The following TMEM132D variants were observed in gnomAD, a reference collection of about 807,000 sequenced individuals.
TMEM132D encodes transmembrane protein 132D.
TMEM132D carries 21 observed loss-of-function variants against 62.3 expected under a neutral mutation model. That is an observed-to-expected ratio of 0.34 (90% CI 0.24 to 0.49). The LOEUF (loss-of-function observed/expected upper bound fraction) is 0.49. TMEM132D is among the 20% of genes least tolerant of loss of function. TMEM132D has a pLI of 0.99. For synonymous variants in TMEM132D, 621 were observed against 575.6 expected (o/e 1.08, Z -1.13); for missense variants, 1,346 against 1,402.8 (o/e 0.96, Z 0.65).
At chr12:129,583,307 T>A (rs1877931277) in intron 2 of TMEM132D, among the ~76,000 whole-genome samples, 1 of 152,192 alleles carries the variant, frequency 6.6e-6, no homozygotes, top group South Asian at 2.1e-4. Flanking sequence ...GGGAAGCAGA[T>A]CATTGGCTGC....
At chr12:129,234,927 G>A (rs1182650481) in intron 4 of TMEM132D, among the ~76,000 whole-genome samples, 2 of 152,078 alleles carry the variant, frequency 1.3e-5, no homozygotes, top group Non-Finnish European at 2.9e-5. Context: ...TCAATAATTA[G>A]TTGGCCAAAG....
chr12:129,103,994 C>T (rs1875402536), intron 5 of TMEM132D, among the ~76,000 whole-genome samples: 1 of 152,044 alleles, frequency 6.6e-6, no homozygotes, highest in Non-Finnish European at 1.5e-5. Context: ...TCAATGCCAT[C>T]CCCATCAAGC....
intron 3 of TMEM132D, among the ~76,000 whole-genome samples, chr12:129,373,048 G>C (rs1239425076): frequency 6.6e-6 from 1 of 152,104 alleles, no homozygotes; most frequent in African/African-American, 2.4e-5. Flanking sequence ...TAGAGAGACC[G>C]ACTTCCTGGT....
chr12:129,801,089 T>C (rs531388725), intron 1 of TMEM132D, among the ~76,000 whole-genome samples: 14 of 152,146 alleles, frequency 9.2e-5, no homozygotes, highest in Non-Finnish European at 1.5e-4. Flanking sequence ...CCCTGATGGC[T>C]AGCACAGCAG....
intron 3 of TMEM132D, among the ~76,000 whole-genome samples, chr12:129,505,968 T>C (rs896537313): frequency 6.6e-6 from 1 of 152,220 alleles, no homozygotes; most frequent in Non-Finnish European, 1.5e-5. Flanking sequence ...GGTGAATTCT[T>C]ATCCACTCTG....
chr12:129,489,970 G>A (rs905966500), intron 3 of TMEM132D, among the ~76,000 whole-genome samples: 1 of 152,184 alleles, frequency 6.6e-6, no homozygotes, highest in African/African-American at 2.4e-5. Context: ...CCAGTCAACA[G>A]GGACCCTTGG....
intron 4 of TMEM132D, among the ~76,000 whole-genome samples, chr12:129,276,603 G>A (rs1240789092): frequency 6.6e-6 from 1 of 152,200 alleles, no homozygotes; most frequent in Non-Finnish European, 1.5e-5. Context: ...CAGGCATGCA[G>A]CCACTTCATG....
Position 129,473,779 on chromosome 12 carries a change from G to A in TMEM132D, c.1115+57280C>T, listed in dbSNP as rs1158009. 4.2e-3 allele frequency among the ~76,000 whole-genome samples: 633 copies of A among 152,290 alleles called. 9 individuals are homozygous for A. The highest frequency in any genetic ancestry group is 0.014 in the African/African-American group (602 of 41,552). On this transcript the variant is annotated intron_variant, in intron 3 of 8. Transcript: ENST00000422113. ...AAATTGTGTGATTCACTTTAGTATG[G>A]TGATCTGGAACTGAACCTGCAGTAT...
chr12:129,839,627 T>C (rs924864209), intron 1 of TMEM132D, among the ~76,000 whole-genome samples: 3 of 152,156 alleles, frequency 2.0e-5, no homozygotes, highest in African/African-American at 7.2e-5. Flanking sequence ...TCTGGGAATA[T>C]GCCTTAAAAA....
chr12:129,400,803 T>C (rs1374537343), intron 3 of TMEM132D, among the ~76,000 whole-genome samples: 1 of 152,252 alleles, frequency 6.6e-6, no homozygotes, highest in African/African-American at 2.4e-5. Context: ...AAATTAACTA[T>C]AAGTTGTTCC....
At chr12:129,348,495 A>C (rs1869760128) in intron 3 of TMEM132D, among the ~76,000 whole-genome samples, 1 of 152,170 alleles carries the variant, frequency 6.6e-6, no homozygotes, top group African/African-American at 2.4e-5. Context: ...CATAAGTGGG[A>C]GTTTAACAAT....
At chr12:129,404,056 A>G (rs1383731499) in intron 3 of TMEM132D, among the ~76,000 whole-genome samples, 3 of 152,140 alleles carry the variant, frequency 2.0e-5, no homozygotes, top group Admixed American at 6.5e-5. Flanking sequence ...TACAGCCTTG[A>G]GAAAGACTTG....
At chr12:129,423,920 G>A (rs372311615) in intron 3 of TMEM132D, among the ~76,000 whole-genome samples, 5 of 152,060 alleles carry the variant, frequency 3.3e-5, no homozygotes, top group Non-Finnish European at 4.4e-5. Flanking sequence ...CCTTCAGTTC[G>A]TAACAGCCTC....
At chr12:129,444,401 C>A (rs1177802366) in intron 3 of TMEM132D, among the ~76,000 whole-genome samples, 2 of 148,240 alleles carry the variant, frequency 1.3e-5, no homozygotes, top group Admixed American at 6.7e-5. Flanking sequence ...AGGAAATAAA[C>A]AAATTTAGAA....
intron 5 of TMEM132D, among the ~76,000 whole-genome samples, chr12:129,176,918 G>A (rs1394784993): frequency 6.6e-6 from 1 of 152,236 alleles, no homozygotes; most frequent in African/African-American, 2.4e-5. Context: ...TGCGATTTGG[G>A]AAAGATCCTG....
At chr12:129,321,265 T>A (rs375158218) in intron 4 of TMEM132D, among the ~76,000 whole-genome samples, 17 of 152,306 alleles carry the variant, frequency 1.1e-4, no homozygotes, top group Admixed American at 5.9e-4. Flanking sequence ...TTATCACTGA[T>A]CTTCCTAACA....
chr12:129,675,619 G>A (rs1046859631), intron 2 of TMEM132D, among the ~76,000 whole-genome samples: 1 of 152,188 alleles, frequency 6.6e-6, no homozygotes, highest in Admixed American at 6.5e-5. Context: ...AGAAGGAAAA[G>A]TTTCCTCAGG....
chr12:129,293,728 T>C (rs1241658684), intron 4 of TMEM132D, among the ~76,000 whole-genome samples: 1 of 152,126 alleles, frequency 6.6e-6, no homozygotes, highest in Non-Finnish European at 1.5e-5. Context: ...GGTTAGTGCT[T>C]CCATGAGAAT....
chr12:129,602,025 A>C (rs1308092108), intron 2 of TMEM132D, among the ~76,000 whole-genome samples: 6 of 152,178 alleles, frequency 3.9e-5, no homozygotes, highest in African/African-American at 1.4e-4. Context: ...TTTCATTATC[A>C]CTTGTTTTGA....
Sources: allele counts gnomAD v4.1 joint callset (sites outside exome capture counted in the v4.1 genomes callset), GRCh38; gene constraint gnomAD v4.1.1; transcripts MANE v1.5; gene names NCBI Gene and HGNC (gene_info 2026-07-23, HGNC 2026-07-21).